HK2: variants seen among roughly 807,000 people sequenced by gnomAD.
The protein encoded by HK2 is hexokinase-2.
HK2 carries 42 observed loss-of-function variants against 92.9 expected under a neutral mutation model. That is an observed-to-expected ratio of 0.45 (90% CI 0.35 to 0.58). The LOEUF (loss-of-function observed/expected upper bound fraction) is 0.58, where lower values mean the gene tolerates loss of function less well. Ranked by LOEUF, HK2 falls within the 20% of genes least tolerant of loss-of-function variation. HK2 has a pLI of 0.00. For missense variants in HK2, 978 were observed against 1,245.1 expected (o/e 0.79, Z 3.23); for synonymous variants, 422 against 468.0 (o/e 0.90, Z 1.27).
At position 74,880,476 on chromosome 2, in the gene HK2, G is replaced by A. The variant is rs1163345333; in HGVS notation, c.1477G>A (p.Val493Ile). The A allele has an allele frequency of 2.5e-6, 4 of 1,614,112 alleles. No individual in the cohort carries two copies. The East Asian group carries it at 6.7e-5, about 27-fold the overall frequency. Residue 493 changes from valine to isoleucine, a missense_variant, in exon 10 of 18, where the codon GTA becomes ATA. Coordinates refer to ENST00000290573, the MANE Select transcript of HK2 (RefSeq NM_000189.5). Reference sequence around the variant, plus strand: ...GCTGGAGGTCAAGAGGAGGATGAAGGTAGAAATGGAGCGAGGTCTGAGCAA... The same window carrying A: ...GCTGGAGGTCAAGAGGAGGATGAAGATAGAAATGGAGCGAGGTCTGAGCAA... ...QLLEVKRRMK[V>I]EMERGLSKET...
At chr2:74,837,590 A>AC (rs1330550215) in intron 1 of HK2, among the ~76,000 whole-genome samples, 1 of 143,506 alleles carries the variant, frequency 7.0e-6, no homozygotes, top group Non-Finnish European at 1.5e-5. Context: ...TCCCGCTTCT[A>AC]CCCCCCAGCT....
chr2:74,843,004 G>A (rs900315815), intron 1 of HK2, among the ~76,000 whole-genome samples: 9 of 152,174 alleles, frequency 5.9e-5, no homozygotes, highest in African/African-American at 2.2e-4. Flanking sequence ...ATATTCTTCT[G>A]CTGTGGAGTT....
At chr2:74,870,050 A>G (rs1348540345) in intron 3 of HK2, among the ~76,000 whole-genome samples, 3 of 141,136 alleles carry the variant, frequency 2.1e-5, no homozygotes, top group Non-Finnish European at 4.5e-5. Flanking sequence ...CCCAAGCGTG[A>G]CACCCAAGAG....
intron 2 of HK2, among the ~76,000 whole-genome samples, chr2:74,856,887 C>T (rs1026089321): frequency 2.6e-5 from 4 of 152,138 alleles, no homozygotes; most frequent in South Asian, 4.1e-4. Context: ...TGCAAATGCT[C>T]AACTAAAATT....
intron 5 of HK2, 33 bp from the exon 6 acceptor site, chr2:74,873,811 T>G (rs1429872112): frequency 6.7e-7 from 1 of 1,497,574 alleles, no homozygotes; most frequent in East Asian, 2.3e-5. Context: ...TCTGTGATGA[T>G]GAAGGTCAGA....
chr2:74,889,734 A>C (rs1293135396), intron 17 of HK2, among the ~76,000 whole-genome samples: 2 of 151,698 alleles, frequency 1.3e-5, no homozygotes, highest in Non-Finnish European at 2.9e-5. Flanking sequence ...TGTTGTGCTG[A>C]ATCAGTCCCT....
intron 2 of HK2, among the ~76,000 whole-genome samples, chr2:74,863,878 T>TGA (rs1364651511): frequency 4.6e-5 from 7 of 152,170 alleles, no homozygotes; most frequent in African/African-American, 1.7e-4. Context: ...GAACTGAATG[T>TGA]GAAAGTATGC....
chr2:74,889,101 G>C (rs1689608389), intron 16 of HK2, 144 bp from the exon 17 acceptor site: 2 of 721,582 alleles, frequency 2.8e-6, no homozygotes, highest in Admixed American at 2.0e-5. Context: ...TCTGAATTTA[G>C]GAATGGGAAC....
intron 13 of HK2, 119 bp downstream of exon 13, chr2:74,885,708 C>G (rs758275048): frequency 1.6e-5 from 12 of 760,088 alleles, no homozygotes; most frequent in African/African-American, 3.4e-5. Context: ...GGAAGATTAA[C>G]TCAAGCGTCG....
At chr2:74,865,300 C>T (rs542916992) in intron 2 of HK2, among the ~76,000 whole-genome samples, 1 of 152,116 alleles carries the variant, frequency 6.6e-6, no homozygotes, top group South Asian at 2.1e-4. Context: ...GTTTTCCCTT[C>T]AGTCCATCAG....
chr2:74,852,232 T>C (rs1688589049), intron 1 of HK2, among the ~76,000 whole-genome samples: 1 of 152,228 alleles, frequency 6.6e-6, no homozygotes, highest in Admixed American at 6.5e-5. Context: ...TGGCCTCGCA[T>C]TGGCTTCTGG....
At chr2:74,888,911 A>G (rs866050303) in intron 16 of HK2, among the ~76,000 whole-genome samples, 1 of 152,182 alleles carries the variant, frequency 6.6e-6, no homozygotes, top group Non-Finnish European at 1.5e-5. Flanking sequence ...AGCAGCGAGA[A>G]AATGGACATG....
intron 1 of HK2, among the ~76,000 whole-genome samples, chr2:74,844,593 C>G (rs923100223): frequency 6.6e-6 from 1 of 152,210 alleles, no homozygotes; most frequent in South Asian, 2.1e-4. Context: ...TTTGATCCAG[C>G]AAGTGGACCG....
At chr2:74,875,549 G>A (rs1217993105) in intron 7 of HK2, among the ~76,000 whole-genome samples, 2 of 152,014 alleles carry the variant, frequency 1.3e-5, no homozygotes, top group African/African-American at 4.8e-5. Context: ...GACTGGTCTC[G>A]AACTCCCGAC....
rs1689500692 is a variant in HK2, at chr2:74,885,532, T to G, written c.1878T>G (p.Ser626=). ...LLKWTKGFKA[S]GCEGEDVVTL... ...AGTGGACAAAAGGCTTCAAGGCATC[T>G]GGCTGCGAGGGCGAGGACGTGGTGA... Residue 626 remains serine, a synonymous_variant, in exon 13 of 18, where the codon TCT becomes TCG. Transcript: ENST00000290573. The G allele has an allele frequency of 6.2e-7, 1 of 1,614,032 alleles. No individual in the cohort carries two copies. The highest frequency in any genetic ancestry group is 2.2e-5 in the East Asian group (1 of 44,872).
intron 2 of HK2, among the ~76,000 whole-genome samples, chr2:74,858,300 A>T (rs908109744): frequency 2.0e-5 from 3 of 152,194 alleles, no homozygotes; most frequent in Non-Finnish European, 2.9e-5. Flanking sequence ...TCCTTGGCCC[A>T]GTTTGATTCT....
chr2:74,848,316 G>T (rs1367305324), intron 1 of HK2, among the ~76,000 whole-genome samples: 2 of 152,206 alleles, frequency 1.3e-5, no homozygotes, highest in East Asian at 3.8e-4. Flanking sequence ...AAGTCCTAGA[G>T]AGCAGGGCTG....
rs1182042559 is a variant in HK2, at chr2:74,886,679, C to A, written c.2219+6C>A. 1.2e-6 allele frequency: 2 copies of A among 1,613,628 alleles called. No individual in the cohort carries two copies. The highest frequency in any genetic ancestry group is 1.7e-6 in the Non-Finnish European group (2 of 1,179,880). Reference sequence around the variant, plus strand: ...CTCAACCCCGGCAAGCAGAGGTAGGCACCCAACTGGGGCCCTGTTAAGTGT... The same window carrying A: ...CTCAACCCCGGCAAGCAGAGGTAGGAACCCAACTGGGGCCCTGTTAAGTGT... On this transcript the variant is annotated splice_donor_region_variant and intron_variant, in intron 15 of 17. Transcript: ENST00000290573.
At chr2:74,887,105 G>A (rs901580643) in intron 15 of HK2, among the ~76,000 whole-genome samples, 2 of 152,202 alleles carry the variant, frequency 1.3e-5, no homozygotes, top group South Asian at 2.1e-4. Flanking sequence ...GTAGGGGAGC[G>A]GGGTCTGAGC....
Sources: allele counts gnomAD v4.1 joint callset (sites outside exome capture counted in the v4.1 genomes callset), GRCh38; gene constraint gnomAD v4.1.1; transcripts MANE v1.5; gene names NCBI Gene and HGNC (gene_info 2026-07-23, HGNC 2026-07-21).